Variants in HOGA1 observed in about 807,000 individuals in gnomAD.
HOGA1 encodes the protein 4-hydroxy-2-oxoglutarate aldolase, mitochondrial.
HOGA1 carries 30 observed loss-of-function variants against 34.3 expected under a neutral mutation model. The observed-to-expected ratio is 0.87, with a 90% CI of 0.65 to 1.19. The LOEUF is 1.19. Ranked by LOEUF, HOGA1 falls within the 50% of genes most tolerant of loss-of-function variation. HOGA1 has a pLI of 0.00. For synonymous variants in HOGA1, 161 were observed against 174.0 expected, an observed-to-expected ratio of 0.93 and a Z score of 0.59; for missense variants, 417 against 436.5, an observed-to-expected ratio of 0.96 and a Z score of 0.40.
Position 97,611,738 on chromosome 10 carries a change from G to A in HOGA1, c.*79G>A, listed in dbSNP as rs1041210108. 9 of 1,509,410 alleles carry A rather than the reference G, an allele frequency of 6.0e-6. No individual in the cohort carries two copies. Among genetic ancestry groups the A allele is most frequent in the East Asian group, 4.8e-5 (2 of 41,806 alleles). 93.5% of individuals were successfully genotyped at this position (1,509,410 alleles called of 1,614,324 possible). A position where few individuals can be genotyped will look rare whatever the true frequency, so the allele number is the denominator to read the frequency against. On this transcript the variant is annotated 3_prime_UTR_variant, in exon 7 of 7. Transcript: ENST00000370646. The stretch of plus-strand genomic sequence containing the variant: ...CTTGCAGCCTGAAGCGGAGAGCACA[G>A]GGGGATGAGGGTGGCAGGCAGCGGG...
rs929739207 is a variant in HOGA1 at position 97,602,407 on chromosome 10, G to A, written c.834+417G>A. The A allele has an allele frequency of 1.0e-5, 10 of 985,384 alleles. No homozygotes were observed. The African/African-American group carries it at 1.6e-4, about 15-fold the overall frequency. 61.0% of individuals were successfully genotyped at this position (985,384 alleles called of 1,614,324 possible). A position where few individuals can be genotyped will look rare whatever the true frequency, so the allele number is the denominator to read the frequency against. On this transcript the variant is annotated intron_variant, in intron 6 of 6. Coordinates refer to ENST00000370646, the MANE Select transcript of HOGA1 (RefSeq NM_138413.4). ...TGAAAAAATAGGAATGACTGGGGCT[G>A]GCAAAGGAGTTAGAAGGCAGGAGAG...
intron 1 of HOGA1, among the ~76,000 whole-genome samples, chr10:97,593,214 G>T (rs912224207): frequency 1.3e-5 from 2 of 151,986 alleles, no homozygotes; most frequent in African/African-American, 4.8e-5. Context: ...GGCGGCTCAC[G>T]CCTGTAATCC....
intron 5 of HOGA1, among the ~76,000 whole-genome samples, chr10:97,601,653 C>T (rs1179305994): frequency 2.0e-5 from 3 of 152,168 alleles, no homozygotes; most frequent in Non-Finnish European, 4.4e-5. Context: ...GCTTGACCTG[C>T]GGGATTCTAT....
chr10:97,606,128 C>CAAAAAAAAAAAAAAAAAAA (rs60230634), intron 6 of HOGA1, among the ~76,000 whole-genome samples: 1 of 95,210 alleles, frequency 1.1e-5, no homozygotes. Context: ...ACTAAAAATA[C>CAAAAAAAAAAAAAAAAAAA]AAAAAAAAAA....
rs952449276 is a variant in HOGA1 at position 97,612,674 on chromosome 10, T to C, written c.*1015T>C. 1 of 152,252 alleles carries C rather than the reference T, an allele frequency of 6.6e-6. No individual in the cohort carries two copies. The highest frequency in any genetic ancestry group is 1.5e-5 in the Non-Finnish European group (1 of 68,040). The allele number at this position is 152,252 out of a possible 1,614,324, so 9.4% of individuals were successfully genotyped here. ...AATGTTACATTCTAGAAGACTATTC[T>C]GGTCAGCCTAGGTCTGAAACACTAA... On this transcript the variant is annotated 3_prime_UTR_variant, in exon 7 of 7. Coordinates refer to ENST00000370646, the MANE Select transcript of HOGA1 (RefSeq NM_138413.4).
intron 1 of HOGA1, 69 bp from the exon 2 acceptor site, chr10:97,598,706 G>A: frequency 1.3e-6 from 2 of 1,580,412 alleles, no homozygotes; most frequent in South Asian, 2.2e-5. Context: ...GTGTCGTAAG[G>A]TAGGAACACC....
intron 6 of HOGA1, chr10:97,602,575 G>C (rs1164516380): frequency 4.1e-6 from 4 of 985,380 alleles, no homozygotes; most frequent in Non-Finnish European, 3.6e-6. Context: ...ATGTGCCCCT[G>C]TATTCAAGTT....
chr10:97,609,106 T>A (rs1433850332), intron 6 of HOGA1, among the ~76,000 whole-genome samples: 1 of 152,142 alleles, frequency 6.6e-6, no homozygotes, highest in East Asian at 1.9e-4. Flanking sequence ...ATAAATAGGT[T>A]ATAAGAACTT....
At chr10:97,604,772 A>G (rs2135725724) in intron 6 of HOGA1, among the ~76,000 whole-genome samples, 1 of 152,158 alleles carries the variant, frequency 6.6e-6, no homozygotes, top group East Asian at 1.9e-4. Flanking sequence ...ACCTGAGGTC[A>G]GGAGTTTGAG....
intron 1 of HOGA1, among the ~76,000 whole-genome samples, chr10:97,588,848 AT>A (rs201841010): frequency 6.6e-6 from 1 of 151,334 alleles, no homozygotes; most frequent in African/African-American, 2.4e-5. Flanking sequence ...GGCATTTCTT[AT>A]TTTTTTTTAA....
chr10:97,600,206 G>C, intron 5 of HOGA1, 43 bp downstream of exon 5: 1 of 1,517,566 alleles, frequency 6.6e-7, no homozygotes. Flanking sequence ...GTGACCAAGA[G>C]ATACCCAGGT....
chr10:97,598,642 T>C (rs1317454958), intron 1 of HOGA1, 133 bp from the exon 2 acceptor site: 2 of 1,139,926 alleles, frequency 1.8e-6, no homozygotes, highest in African/African-American at 3.0e-5. Flanking sequence ...TCATTGCAGC[T>C]GTGTGGGAAC....
chr10:97,591,888 G>C (rs986718467), intron 1 of HOGA1, among the ~76,000 whole-genome samples: 2 of 148,050 alleles, frequency 1.4e-5, no homozygotes, highest in African/African-American at 5.0e-5. Context: ...GCCCAGGCTG[G>C]AGTACAGTGG....
chr10:97,602,264 T>G, intron 6 of HOGA1: 1 of 1,423,054 alleles, frequency 7.0e-7, no homozygotes, highest in Non-Finnish European at 9.3e-7. Context: ...GAAGATGCAT[T>G]GAAACAAACA....
chr10:97,612,539 C>CTAT lies in HOGA1; in HGVS notation c.*882_*884dup, dbSNP rs1309273208. On this transcript the variant is annotated 3_prime_UTR_variant, in exon 7 of 7. Coordinates refer to ENST00000370646, the MANE Select transcript of HOGA1 (RefSeq NM_138413.4). ...CCAGCCACAACGCCCTTTTCTAAATCTATTTTCATTCATCTCCTATTCTGG... is the reference window on the plus strand; with the variant it reads ...CCAGCCACAACGCCCTTTTCTAAATCTATTATTTTCATTCATCTCCTATTCTGG... 2 of 152,354 alleles carry CTAT rather than the reference C, an allele frequency of 1.3e-5. No individual in the cohort carries two copies. Among genetic ancestry groups the CTAT allele is most frequent in the African/African-American group, 2.4e-5 (1 of 41,580 alleles). The allele number at this position is 152,354 out of a possible 1,614,324, so 9.4% of individuals were successfully genotyped here. A position where few individuals can be genotyped will look rare whatever the true frequency, so the allele number is the denominator to read the frequency against.
intron 1 of HOGA1, chr10:97,590,319 T>C: frequency 6.2e-7 from 1 of 1,613,842 alleles, no homozygotes; most frequent in Non-Finnish European, 8.5e-7. Flanking sequence ...GGGCGGCACC[T>C]GGCTCACTCC....
intron 1 of HOGA1, among the ~76,000 whole-genome samples, chr10:97,591,728 G>A (rs1204200071): frequency 6.6e-6 from 1 of 151,762 alleles, no homozygotes; most frequent in East Asian, 1.9e-4. Context: ...GGGTTCGAGC[G>A]ATCCTCCCAC....
intron 6 of HOGA1, among the ~76,000 whole-genome samples, chr10:97,606,128 C>CAA (rs60230634): frequency 0.13 from 11,976 of 95,144 alleles, 1,075 homozygotes; most frequent in African/African-American, 0.28. Flanking sequence ...ACTAAAAATA[C>CAA]AAAAAAAAAA....
At chr10:97,602,240 AC>A (rs1399248654) in intron 6 of HOGA1, 3 of 1,486,216 alleles carry the variant, frequency 2.0e-6, no homozygotes, top group African/African-American at 2.8e-5. Context: ...TAAAGTTCCA[AC>A]TTTTGGGCCC....
Sources: gnomAD v4.1 joint callset for allele counts (sites outside exome capture counted in the v4.1 genomes callset) on GRCh38, gnomAD v4.1.1 for gene constraint, MANE v1.5 for transcripts, NCBI Gene and HGNC (gene_info 2026-07-23, HGNC 2026-07-21) for gene names.